The following ZC3H12B variants were observed in gnomAD, a reference collection of about 807,000 sequenced individuals.
The protein encoded by ZC3H12B is zinc finger CCCH-type containing 12B, also known as probable ribonuclease ZC3H12B.
A neutral mutation model predicts 43.9 loss-of-function variants in ZC3H12B; 7 were observed. That is an observed-to-expected ratio of 0.16 (90% CI 0.09 to 0.30). The LOEUF (loss-of-function observed/expected upper bound fraction) is 0.30. Ranked by LOEUF, ZC3H12B falls within the 10% of genes least tolerant of loss-of-function variation. ZC3H12B has a pLI of 1.00. For missense variants in ZC3H12B, 475 were observed against 670.2 expected, an observed-to-expected ratio of 0.71 and a Z score of 3.22; for synonymous variants, 222 against 241.7, an observed-to-expected ratio of 0.92 and a Z score of 0.76.
intron 3 of ZC3H12B, among the ~76,000 whole-genome samples, chrX:65,405,513 T>C (rs1230445622): frequency 9.0e-6 from 1 of 110,781 alleles, no homozygotes; most frequent in East Asian, 2.8e-4. Context: ...CCAGCTACTC[T>C]GCAGGCTGAG....
At chrX:65,236,587 A>T in the ZC3H12B span, among the ~76,000 whole-genome samples, 1 of 111,513 alleles carries the variant, frequency 9.0e-6, no homozygotes, top group South Asian at 3.7e-4. Flanking sequence ...TTTTATTGCA[A>T]TTGCTTTTGG....
intron 2 of ZC3H12B, among the ~76,000 whole-genome samples, chrX:65,389,501 T>C (rs771968348): frequency 8.9e-6 from 1 of 112,311 alleles, no homozygotes; most frequent in Non-Finnish European, 1.9e-5. Flanking sequence ...AGTATTAGGG[T>C]GGGAGTGACC....
chrX:65,476,868 C>T (rs1459751575), intron 3 of ZC3H12B, among the ~76,000 whole-genome samples: 4 of 107,070 alleles, frequency 3.7e-5, no homozygotes, highest in African/African-American at 1.4e-4. Flanking sequence ...GTCACACAGG[C>T]TGGAGTTCAG....
chrX:65,166,955 T>A, the ZC3H12B span, among the ~76,000 whole-genome samples: 2 of 112,149 alleles, frequency 1.8e-5, no homozygotes, highest in African/African-American at 6.5e-5. Context: ...CTTTGTCAGA[T>A]GGGTAGATTG....
At chrX:65,435,454 A>G (rs1263667458) in intron 3 of ZC3H12B, among the ~76,000 whole-genome samples, 1 of 111,893 alleles carries the variant, frequency 8.9e-6, no homozygotes, top group Non-Finnish European at 1.9e-5. Context: ...CATACAATGG[A>G]CAATCAGTGC....
chrX:65,376,682 T>C (rs1006149227), intron 2 of ZC3H12B, among the ~76,000 whole-genome samples: 1 of 112,179 alleles, frequency 8.9e-6, no homozygotes, highest in African/African-American at 3.2e-5. Flanking sequence ...GTGATACCTT[T>C]TTGAGTTTAC....
the ZC3H12B span, among the ~76,000 whole-genome samples, chrX:65,166,528 A>G: frequency 5.1e-3 from 568 of 112,106 alleles, 2 homozygotes; most frequent in African/African-American, 0.016. Context: ...TGTTTATAGC[A>G]GCATCATTTA....
At chrX:65,261,185 G>A in the ZC3H12B span, among the ~76,000 whole-genome samples, 1 of 111,251 alleles carries the variant, frequency 9.0e-6, no homozygotes, top group Non-Finnish European at 1.9e-5. Flanking sequence ...AGCAACCAAG[G>A]TAAATAAAAA....
chrX:65,153,239 T>C, the ZC3H12B span, among the ~76,000 whole-genome samples: 1 of 111,930 alleles, frequency 8.9e-6, no homozygotes, highest in East Asian at 2.8e-4. Flanking sequence ...AAATGGGATC[T>C]AATTAAACTA....
intron 3 of ZC3H12B, among the ~76,000 whole-genome samples, chrX:65,446,663 A>T (rs2067381412): frequency 9.0e-6 from 1 of 111,543 alleles, no homozygotes; most frequent in African/African-American, 3.3e-5. Context: ...TTGCATAATC[A>T]CTGTATTCAC....
At chrX:65,173,081 T>C in the ZC3H12B span, among the ~76,000 whole-genome samples, 9 of 112,163 alleles carry the variant, frequency 8.0e-5, no homozygotes, top group African/African-American at 1.9e-4. Context: ...TCCATTTGTG[T>C]CCTCTCTCAT....
chrX:65,498,719 CA>C (rs1175703602), intron 2 of ZC3H12B, among the ~76,000 whole-genome samples: 9 of 112,143 alleles, frequency 8.0e-5, no homozygotes, highest in Non-Finnish European at 7.5e-5. Context: ...GCTAAGATAT[CA>C]GTGTCACTCT....
At chrX:65,056,403 A>G in the ZC3H12B span, among the ~76,000 whole-genome samples, 1 of 111,247 alleles carries the variant, frequency 9.0e-6, no homozygotes, top group Non-Finnish European at 1.9e-5. Context: ...AGCGGTTTTG[A>G]GTGAGTTTCT....
the ZC3H12B span, among the ~76,000 whole-genome samples, chrX:65,192,172 G>T: frequency 5.5e-5 from 6 of 109,368 alleles, no homozygotes; most frequent in South Asian, 1.6e-3. Context: ...GAGATAGTTT[G>T]TTATAATTTC....
the ZC3H12B span, among the ~76,000 whole-genome samples, chrX:65,340,948 C>T: frequency 9.0e-6 from 1 of 111,716 alleles, no homozygotes; most frequent in African/African-American, 3.3e-5. Flanking sequence ...TCTAAGGAAG[C>T]TAAAAATCAA....
chrX:65,394,732 C>T (rs979155447), intron 2 of ZC3H12B, among the ~76,000 whole-genome samples: 1 of 111,890 alleles, frequency 8.9e-6, no homozygotes. Context: ...TTTTCTAGTT[C>T]TGTGAGGAAA....
the ZC3H12B span, among the ~76,000 whole-genome samples, chrX:65,313,548 A>G: frequency 1.8e-5 from 2 of 112,191 alleles, no homozygotes; most frequent in East Asian, 5.6e-4. Context: ...TTGCAGACAA[A>G]TCTATGATTC....
the ZC3H12B span, among the ~76,000 whole-genome samples, chrX:65,237,196 ATTTG>A: frequency 9.0e-6 from 1 of 111,605 alleles, no homozygotes; most frequent in Non-Finnish European, 1.9e-5. Flanking sequence ...ATGTTCTTCC[ATTTG>A]TTTGTGTCCT....
the ZC3H12B span, among the ~76,000 whole-genome samples, chrX:65,053,414 A>G: frequency 4.5e-5 from 5 of 110,900 alleles, no homozygotes; most frequent in Non-Finnish European, 9.4e-5. Flanking sequence ...AGCTTCATCC[A>G]TGTCCCTACA....
Sources: allele counts gnomAD v4.1 joint callset (sites outside exome capture counted in the v4.1 genomes callset), GRCh38; gene constraint gnomAD v4.1.1; transcripts MANE v1.5; gene names NCBI Gene and HGNC (gene_info 2026-07-23, HGNC 2026-07-21).